The following DNM3 variants were observed in gnomAD, a reference collection of about 807,000 sequenced individuals.
DNM3 encodes dynamin 3, also known as dynamin-3.
A neutral mutation model predicts 101.6 loss-of-function variants in DNM3; 47 were observed. The observed-to-expected ratio is 0.46, with a 90% CI of 0.37 to 0.59. The LOEUF is 0.59. Among genes scored for constraint, DNM3 ranks in the 20% least tolerant of loss-of-function variants. The probability of loss-of-function intolerance (pLI) is 0.00; values close to 1 mark genes in which losing one functional copy is unlikely to be tolerated. For missense variants in DNM3, 849 were observed against 1,085.7 expected (o/e 0.78, Z 3.06); for synonymous variants, 385 against 387.9 (o/e 0.99, Z 0.09).
At chr1:171,931,173 G>T (rs1451893757) in intron 2 of DNM3, among the ~76,000 whole-genome samples, 1 of 152,092 alleles carries the variant, frequency 6.6e-6, no homozygotes, top group Non-Finnish European at 1.5e-5. Flanking sequence ...TAAATATTTG[G>T]AAAAATATTC....
At chr1:172,206,704 G>A (rs1468384937) in intron 14 of DNM3, among the ~76,000 whole-genome samples, 1 of 152,070 alleles carries the variant, frequency 6.6e-6, no homozygotes, top group Non-Finnish European at 1.5e-5. Flanking sequence ...ATTATTATGA[G>A]ATAGTCTTCC....
At chr1:172,086,914 G>T (rs1266918988) in intron 12 of DNM3, among the ~76,000 whole-genome samples, 3 of 152,176 alleles carry the variant, frequency 2.0e-5, no homozygotes, top group Non-Finnish European at 2.9e-5. Flanking sequence ...TAGAGGTAGA[G>T]GCACACTCTG....
At chr1:172,163,956 TACAC>T (rs10536417) in intron 14 of DNM3, among the ~76,000 whole-genome samples, 14,092 of 147,182 alleles carry the variant, frequency 0.096, 815 homozygotes, top group East Asian at 0.16. Context: ...TACATATATA[TACAC>T]ACACACACAC....
intron 1 of DNM3, among the ~76,000 whole-genome samples, chr1:171,881,653 C>T (rs1457155805): frequency 6.6e-6 from 1 of 152,150 alleles, no homozygotes; most frequent in Non-Finnish European, 1.5e-5. Flanking sequence ...GGGCATTCTG[C>T]TGAAATGGCA....
At chr1:172,109,590 T>G (rs1435289259) in intron 13 of DNM3, among the ~76,000 whole-genome samples, 2 of 152,226 alleles carry the variant, frequency 1.3e-5, no homozygotes, top group East Asian at 3.8e-4. Context: ...AGTCAGGTTT[T>G]AGAAATATGA....
chr1:172,161,731 A>G (rs767280257), intron 14 of DNM3, among the ~76,000 whole-genome samples: 1 of 152,048 alleles, frequency 6.6e-6, no homozygotes, highest in Non-Finnish European at 1.5e-5. Flanking sequence ...CTCAAAATAA[A>G]TTAGATTTCA....
intron 8 of DNM3, among the ~76,000 whole-genome samples, chr1:172,043,434 G>C (rs945549172): frequency 1.3e-5 from 2 of 152,266 alleles, no homozygotes; most frequent in Non-Finnish European, 1.5e-5. Context: ...TTATGTCTTC[G>C]TGTGGGAGGC....
At chr1:172,161,695 C>T (rs35419194) in intron 14 of DNM3, among the ~76,000 whole-genome samples, 49,253 of 151,708 alleles carry the variant, frequency 0.32, 9,920 homozygotes, top group African/African-American at 0.56. Context: ...TTGACTTGGA[C>T]AGAAGGTTAA....
chr1:172,111,527 T>C (rs2055477871), intron 13 of DNM3, among the ~76,000 whole-genome samples: 1 of 152,250 alleles, frequency 6.6e-6, no homozygotes, highest in African/African-American at 2.4e-5. Context: ...CAATTCTTAG[T>C]TGACAATAAA....
At position 172,180,803 on chromosome 1, in the gene DNM3, A is replaced by G. The variant is rs142890527; in HGVS notation, c.1659+49515A>G. ...TCTGGAACACTCTCCTCTGTTATGT[A>G]TATGTATGAAAATTTGCCCTACCTA... is the stretch of plus-strand genomic sequence containing the variant. On this transcript the variant is annotated intron_variant, in intron 14 of 20. Coordinates refer to ENST00000627582, the MANE Select transcript of DNM3 (RefSeq NM_015569.5). 3.2e-3 allele frequency among the ~76,000 whole-genome samples: 491 copies of G among 152,220 alleles called. 4 individuals are homozygous for G. The highest frequency in any genetic ancestry group is 0.011 in the African/African-American group (468 of 41,552).
chr1:172,234,889 T>C (rs2148623803), intron 14 of DNM3, among the ~76,000 whole-genome samples: 1 of 152,212 alleles, frequency 6.6e-6, no homozygotes, highest in South Asian at 2.1e-4. Flanking sequence ...CCTAAAACCA[T>C]AAAAACCCTA....
At chr1:171,944,854 C>CTTTTTTTTTTT in intron 2 of DNM3, among the ~76,000 whole-genome samples, 1 of 37,588 alleles carries the variant, frequency 2.7e-5, no homozygotes, top group Non-Finnish European at 5.4e-5. Flanking sequence ...TTTGGTGTTT[C>CTTTTTTTTTTT]CTTTTTTTTT....
intron 13 of DNM3, among the ~76,000 whole-genome samples, 176 bp from the exon 14 acceptor site, chr1:172,130,999 A>G (rs1452616663): frequency 6.6e-6 from 1 of 152,178 alleles, no homozygotes; most frequent in Non-Finnish European, 1.5e-5. Context: ...CCCTTCACTC[A>G]TCTGCACTTT....
At chr1:172,349,294 A>T (rs550905588) in intron 17 of DNM3, among the ~76,000 whole-genome samples, 1 of 152,220 alleles carries the variant, frequency 6.6e-6, no homozygotes, top group Non-Finnish European at 1.5e-5. Context: ...GTAAACTGGG[A>T]TAATAACACA....
rs1256502855 is a variant in DNM3, at chr1:171,953,552, C to T, written c.235+31731C>T. Among the ~76,000 whole-genome samples, 4 of 151,840 alleles carry T rather than the reference C, an allele frequency of 2.6e-5. No homozygotes were observed. The East Asian group carries it at 5.8e-4, about 22-fold the overall frequency. ...AAGCAATTCTCCTGCCTCAGCCTCC[C>T]GAGTAGCTGGGATTACAGGCACATG... On this transcript the variant is annotated intron_variant, in intron 2 of 20. Transcript: ENST00000627582.
At position 172,131,217 on chromosome 1, in the gene DNM3, A is replaced by G. The variant is rs748730002; in HGVS notation, c.1588A>G (p.Met530Val). The G allele has an allele frequency of 6.2e-7, 1 of 1,613,486 alleles. No homozygotes were observed. Residue 530 changes from methionine (M) to valine (V), a missense_variant, in exon 14 of 21, where the codon ATG becomes GTG. Physicochemically the swap from Met to Val is conservative, Grantham distance 21 (BLOSUM62 1). Transcript: ENST00000627582. ...GCTCACCATCAGCAACATTGGCATC[A>G]TGAAAGGCGGCTCGAAGGGATACTG... ...GWLTISNIGIMKGGSKGYWFV... is the reference protein window; with the variant it reads ...GWLTISNIGIVKGGSKGYWFV...
In DNM3 at chr1:172,012,743, G is replaced by A. The variant is rs143009760; in HGVS notation, c.590-19659G>A. 6.6e-5 allele frequency among the ~76,000 whole-genome samples: 10 copies of A among 151,870 alleles called. No individual in the cohort carries two copies. In the East Asian group the frequency reaches 9.7e-4, roughly 15 times the overall value. ...TAAGCAAGGTAGAGTCCCTGCCAGC[G>A]GAGTGACAGTAATTTTTATGTTTTC... On this transcript the variant is annotated intron_variant, in intron 4 of 20. Transcript: ENST00000627582.
chr1:172,246,965 C>T (rs185169297), intron 14 of DNM3, among the ~76,000 whole-genome samples: 5 of 152,282 alleles, frequency 3.3e-5, no homozygotes, highest in African/African-American at 9.6e-5. Context: ...ACATTATTAT[C>T]TCTTGAGCAA....
intron 1 of DNM3, among the ~76,000 whole-genome samples, chr1:171,845,118 C>A (rs1044135196): frequency 6.6e-6 from 1 of 152,162 alleles, no homozygotes; most frequent in African/African-American, 2.4e-5. Context: ...AGCTAAGATT[C>A]AACTAGAGGT....
Sources: gnomAD v4.1 joint callset for allele counts (sites outside exome capture counted in the v4.1 genomes callset) on GRCh38, gnomAD v4.1.1 for gene constraint, MANE v1.5 for transcripts, NCBI Gene and HGNC (gene_info 2026-07-23, HGNC 2026-07-21) for gene names.